The following ERICH6B variants were observed in gnomAD, a reference collection of about 807,000 sequenced individuals.
ERICH6B encodes the protein glutamate rich 6B, also known as glutamate-rich protein 6B.
In ERICH6B, 69 loss-of-function variants were observed where a neutral mutation model predicts 80.0. The ratio of observed to expected loss-of-function variants is 0.86; its 90% confidence interval spans 0.71 to 1.05. The LOEUF (loss-of-function observed/expected upper bound fraction) is 1.05, where lower values mean the gene tolerates loss of function less well. ERICH6B is among the 50% of genes least tolerant of loss of function. The probability of loss-of-function intolerance (pLI) is 0.00; values close to 1 mark genes in which losing one functional copy is unlikely to be tolerated. For synonymous variants in ERICH6B, 283 were observed against 291.9 expected (o/e 0.97, Z 0.31); for missense variants, 754 against 796.1 (o/e 0.95, Z 0.64).
chr13:45,558,345 T>A (rs1190072843), intron 11 of ERICH6B, among the ~76,000 whole-genome samples: 1 of 152,126 alleles, frequency 6.6e-6, no homozygotes, highest in Non-Finnish European at 1.5e-5. Flanking sequence ...GGAGGAGTCT[T>A]TAGGGTTTTC....
At chr13:45,553,067 A>C (rs1566286303) in intron 11 of ERICH6B, 1 of 282,098 alleles carries the variant, frequency 3.5e-6, no homozygotes, top group Non-Finnish European at 7.0e-6. Context: ...GTTTTCTGGA[A>C]ATTTCTTGTA....
At position 45,570,102 on chromosome 13, in the gene ERICH6B, C is replaced by A. The variant is rs1163334966; in HGVS notation, c.1051-1651G>T. Among the ~76,000 whole-genome samples the A allele has an allele frequency of 3.3e-5, 5 of 152,324 alleles. No individual in the cohort carries two copies. In the East Asian group the frequency reaches 9.6e-4, roughly 29 times the overall value. On this transcript the variant is annotated intron_variant, in intron 8 of 14. Coordinates refer to ENST00000298738, the MANE Select transcript of ERICH6B (RefSeq NM_182542.3). ...GTGCCACCCCACTCTATGCAGCCAGCATATGTGACGTCTTATGGGGTTTAT... is the reference window on the plus strand; with the variant it reads ...GTGCCACCCCACTCTATGCAGCCAGAATATGTGACGTCTTATGGGGTTTAT...
chr13:45,557,409 T>C (rs1874486578), intron 11 of ERICH6B, among the ~76,000 whole-genome samples: 1 of 152,246 alleles, frequency 6.6e-6, no homozygotes, highest in South Asian at 2.1e-4. Flanking sequence ...CTGTTCCTTT[T>C]GCTGCACAAA....
At chr13:45,572,790 G>A (rs1389846264) in intron 8 of ERICH6B, among the ~76,000 whole-genome samples, 1 of 152,160 alleles carries the variant, frequency 6.6e-6, no homozygotes, top group Non-Finnish European at 1.5e-5. Context: ...AAGCAACATG[G>A]TAGAAGAGAA....
At chr13:45,579,997 ATT>A (rs1875588902) in intron 6 of ERICH6B, 23 bp from the exon 7 acceptor site, 1 of 1,492,778 alleles carries the variant, frequency 6.7e-7, no homozygotes, top group South Asian at 1.2e-5. Context: ...AAGAAAAATT[ATT>A]AACAGGATAC....
chr13:45,561,370 A>G lies in ERICH6B; in HGVS notation c.1406T>C (p.Val469Ala), dbSNP rs190191903. ...RDKEWIQKKT[V>A]VHQGDGKLIL... Reference sequence around the variant, plus strand: ...ACAGCAATGTACTGTCCCTCTTACCACTGTCTTCTTCTGTATCCATTCCTT... The same window carrying G: ...ACAGCAATGTACTGTCCCTCTTACCGCTGTCTTCTTCTGTATCCATTCCTT... Residue 469 changes from valine (V) to alanine (A), a missense_variant and splice_region_variant, in exon 11 of 15, where the codon GTG becomes GCG. Physicochemically the swap from Val to Ala is moderately conservative, Grantham distance 64. Coordinates refer to ENST00000298738, the MANE Select transcript of ERICH6B (RefSeq NM_182542.3). 175 of 1,551,840 alleles carry G rather than the reference A, an allele frequency of 1.1e-4. No homozygotes were observed. In the African/African-American group the frequency reaches 2.1e-3, roughly 18 times the overall value.
intron 8 of ERICH6B, among the ~76,000 whole-genome samples, chr13:45,574,473 C>T (rs377676537): frequency 6.6e-6 from 1 of 152,168 alleles, no homozygotes; most frequent in Non-Finnish European, 1.5e-5. Flanking sequence ...TTTTGAATTT[C>T]CAGGGCTGGT....
intron 11 of ERICH6B, among the ~76,000 whole-genome samples, chr13:45,560,333 T>C (rs1447804497): frequency 6.6e-6 from 1 of 152,186 alleles, no homozygotes. Context: ...GGCTTCATTT[T>C]TTAGAGCAGG....
chr13:45,545,910 A>G (rs1873972629), intron 13 of ERICH6B, among the ~76,000 whole-genome samples: 1 of 152,160 alleles, frequency 6.6e-6, no homozygotes, highest in South Asian at 2.1e-4. Flanking sequence ...TACATATTAT[A>G]TATGTATGTA....
chr13:45,578,688 A>T (rs1375877905), intron 7 of ERICH6B, among the ~76,000 whole-genome samples: 1 of 152,170 alleles, frequency 6.6e-6, no homozygotes, highest in Non-Finnish European at 1.5e-5. Context: ...GCTGCTATGG[A>T]CACAAATCTA....
At chr13:45,562,948 T>C (rs1306409072) in intron 10 of ERICH6B, among the ~76,000 whole-genome samples, 1 of 152,136 alleles carries the variant, frequency 6.6e-6, no homozygotes, top group Non-Finnish European at 1.5e-5. Context: ...AGTACCATGA[T>C]TGATTAGTGC....
chr13:45,550,200 A>G, intron 12 of ERICH6B, 31 bp downstream of exon 12: 1 of 1,545,602 alleles, frequency 6.5e-7, no homozygotes, highest in Non-Finnish European at 8.8e-7. Flanking sequence ...AATATATGTC[A>G]ATACGAGCAT....
chr13:45,585,616 G>A (rs1439718115), intron 5 of ERICH6B, among the ~76,000 whole-genome samples: 1 of 152,142 alleles, frequency 6.6e-6, no homozygotes, highest in African/African-American at 2.4e-5. Context: ...GCCTGGCTTA[G>A]AGGCTCCAAC....
intron 2 of ERICH6B, among the ~76,000 whole-genome samples, chr13:45,600,849 C>T (rs1949823007): frequency 6.6e-6 from 1 of 152,174 alleles, no homozygotes; most frequent in Non-Finnish European, 1.5e-5. Context: ...TTCTTTTCCT[C>T]TGGGTTGATA....
chr13:45,576,856 G>A (rs968622908), intron 7 of ERICH6B, among the ~76,000 whole-genome samples: 1 of 152,172 alleles, frequency 6.6e-6, no homozygotes, highest in African/African-American at 2.4e-5. Context: ...GCTTATTAAC[G>A]TGGCTGGGCA....
chr13:45,587,669 C>T (rs1162459778), intron 4 of ERICH6B, among the ~76,000 whole-genome samples: 2 of 152,172 alleles, frequency 1.3e-5, no homozygotes, highest in Non-Finnish European at 2.9e-5. Context: ...AATCGGCTCA[C>T]CACAAACACC....
intron 8 of ERICH6B, among the ~76,000 whole-genome samples, chr13:45,569,421 C>T (rs11618944): frequency 0.088 from 13,470 of 152,226 alleles, 1,011 homozygotes; most frequent in African/African-American, 0.2. Context: ...CCACAGCACT[C>T]GTCCACAAGC....
At chr13:45,562,285 G>A (rs762549803) in intron 10 of ERICH6B, among the ~76,000 whole-genome samples, 59 of 152,176 alleles carry the variant, frequency 3.9e-4, no homozygotes, top group Admixed American at 8.5e-4. Context: ...GGATTATCCC[G>A]TCTCAGCTGC....
intron 13 of ERICH6B, 104 bp downstream of exon 13, chr13:45,549,789 T>C: frequency 7.7e-7 from 1 of 1,291,750 alleles, no homozygotes; most frequent in Non-Finnish European, 1.0e-6. Context: ...TTCCAACATG[T>C]GTAACTCTGA....
Sources: gnomAD v4.1 joint callset for allele counts (sites outside exome capture counted in the v4.1 genomes callset) on GRCh38, gnomAD v4.1.1 for gene constraint, MANE v1.5 for transcripts, NCBI Gene and HGNC (gene_info 2026-07-23, HGNC 2026-07-21) for gene names.